The following CRAMP1 variants were observed in gnomAD, a reference collection of about 807,000 sequenced individuals.
The protein encoded by CRAMP1 is protein cramped-like.
A neutral mutation model predicts 115.4 loss-of-function variants in CRAMP1; 50 were observed. The observed-to-expected ratio is 0.43, with a 90% confidence interval of 0.35 to 0.55. The LOEUF is 0.55. Ranked by LOEUF, CRAMP1 falls within the 20% of genes least tolerant of loss-of-function variation. CRAMP1 has a pLI of 0.01. For synonymous variants in CRAMP1, 866 were observed against 745.4 expected, an observed-to-expected ratio of 1.16 and a Z score of -2.64; for missense variants, 1,679 against 1,721.7, an observed-to-expected ratio of 0.98 and a Z score of 0.44.
At chr16:1,663,828 G>A (rs918554571) in intron 13 of CRAMP1, among the ~76,000 whole-genome samples, 10 of 151,976 alleles carry the variant, frequency 6.6e-5, no homozygotes, top group Non-Finnish European at 1.5e-4. Context: ...TACAATTTGT[G>A]TTCTTTTCCA....
intron 3 of CRAMP1, among the ~76,000 whole-genome samples, chr16:1,631,172 G>A (rs1435159851): frequency 1.3e-5 from 2 of 152,200 alleles, no homozygotes; most frequent in Admixed American, 6.5e-5. Flanking sequence ...TGGAAGTCCT[G>A]TGCCAAGAAG....
At chr16:1,655,784 G>C (rs2036766037) in intron 9 of CRAMP1, 93 bp from the exon 10 acceptor site, 1 of 1,400,678 alleles carries the variant, frequency 7.1e-7, no homozygotes, top group South Asian at 1.3e-5. Flanking sequence ...GGGGATGCCA[G>C]TGGGGAGCGT....
intron 2 of CRAMP1, among the ~76,000 whole-genome samples, chr16:1,615,786 T>G (rs1181044072): frequency 6.6e-6 from 1 of 152,244 alleles, no homozygotes; most frequent in Non-Finnish European, 1.5e-5. Flanking sequence ...ACTCTGATTC[T>G]TTTTGTTTCC....
intron 6 of CRAMP1, among the ~76,000 whole-genome samples, chr16:1,641,427 G>T (rs1181434235): frequency 6.6e-6 from 1 of 152,178 alleles, no homozygotes; most frequent in African/African-American, 2.4e-5. Flanking sequence ...CTTCCCGAGG[G>T]TCTCTGGCTG....
intron 19 of CRAMP1, 74 bp from the exon 20 acceptor site, chr16:1,670,590 C>G (rs1392129975): frequency 1.9e-6 from 3 of 1,547,934 alleles, no homozygotes; most frequent in East Asian, 4.5e-5. Context: ...TGCCCCCAGC[C>G]TCAGGACCCT....
At chr16:1,661,591 G>T (rs1422107356) in intron 11 of CRAMP1, among the ~76,000 whole-genome samples, 7 of 147,610 alleles carry the variant, frequency 4.7e-5, no homozygotes, top group Admixed American at 2.7e-4. Context: ...TACTATGAAA[G>T]AATTTTTTTT....
chr16:1,637,968 T>G (rs1436186798), intron 5 of CRAMP1, 61 bp downstream of exon 5: 1 of 805,012 alleles, frequency 1.2e-6, no homozygotes, highest in African/African-American at 1.8e-5. Flanking sequence ...CCTTTGGGCT[T>G]TAGTGCTCAG....
intron 3 of CRAMP1, 61 bp downstream of exon 3, chr16:1,626,227 C>G: frequency 7.3e-7 from 1 of 1,373,550 alleles, no homozygotes; most frequent in Non-Finnish European, 9.7e-7. Flanking sequence ...TCCCTGCCCT[C>G]CGTTCCCCGT....
intron 10 of CRAMP1, among the ~76,000 whole-genome samples, chr16:1,659,043 G>A (rs2036801007): frequency 1.3e-5 from 2 of 152,104 alleles, no homozygotes; most frequent in African/African-American, 4.8e-5. Context: ...CATCCCCTGG[G>A]GTTGGGCTCT....
Position 1,670,781 on chromosome 16 carries a change from T to C in CRAMP1, c.3617T>C (p.Val1206Ala), listed in dbSNP as rs760822927. 4.3e-6 allele frequency: 7 copies of C among 1,614,014 alleles called. No individual in the cohort carries two copies. The highest frequency in any genetic ancestry group is 5.9e-6 in the Non-Finnish European group (7 of 1,179,882). ...GATGGAAACTCGCGGGACTCATTTG[T>C]GTCCAGGTCCCTGGCTGACGTTGCA... is the stretch of plus-strand genomic sequence containing the variant. ...LLDGNSRDSF[V>A]SRSLADVAEV... Residue 1206 changes from valine (V) to alanine (A), a missense_variant, in exon 20 of 21, where the codon GTG (valine) becomes GCG (alanine). By Grantham distance (64) the Val-to-Ala change is moderately conservative. Coordinates refer to ENST00000397412, the MANE Select transcript of CRAMP1 (RefSeq NM_020825.4).
At chr16:1,668,617 G>A (rs1321836007) in intron 18 of CRAMP1, among the ~76,000 whole-genome samples, 1 of 152,232 alleles carries the variant, frequency 6.6e-6, no homozygotes, top group East Asian at 1.9e-4. Context: ...TCACTGGCGC[G>A]ACCCAGGCTG....
At chr16:1,620,925 A>AT (rs34597800) in intron 2 of CRAMP1, among the ~76,000 whole-genome samples, 45 of 146,722 alleles carry the variant, frequency 3.1e-4, no homozygotes, top group Non-Finnish European at 4.1e-4. Flanking sequence ...CCCCCATTTC[A>AT]TTTTTTTTTT....
chr16:1,628,759 C>T (rs2036526074), intron 3 of CRAMP1, among the ~76,000 whole-genome samples: 1 of 152,218 alleles, frequency 6.6e-6, no homozygotes, highest in African/African-American at 2.4e-5. Flanking sequence ...TGATGCCTCC[C>T]TGGGAGGGGT....
chr16:1,651,078 T>TGGACTGAGAGGTCACAGAGAGGA (rs1174466521), intron 6 of CRAMP1, among the ~76,000 whole-genome samples: 4 of 151,032 alleles, frequency 2.6e-5, no homozygotes, highest in Non-Finnish European at 3.0e-5. Context: ...CACGGAGAAG[T>TGGACTGAGAGGTCACAGAGAGGA]GGACTGAGAG....
In CRAMP1 at chr16:1,675,678, G is replaced by A. The variant is rs1026585139; in HGVS notation, c.*1633G>A. 3.9e-5 allele frequency: 6 copies of A among 152,274 alleles called. No homozygotes were observed. Among genetic ancestry groups the A allele is most frequent in the African/African-American group, 1.4e-4 (6 of 41,464 alleles). 9.4% of individuals were successfully genotyped at this position (152,274 alleles called of 1,614,324 possible). ...GTGTACTGCACCACTGGGAGGACGT[G>A]GAGAGGACAGTGAACTTCCAGGCAA... is the stretch of plus-strand genomic sequence containing the variant. On this transcript the variant is annotated 3_prime_UTR_variant, in exon 21 of 21. Transcript: ENST00000397412.
chr16:1,654,672 G>A (rs1315956041), intron 8 of CRAMP1, among the ~76,000 whole-genome samples: 5 of 152,048 alleles, frequency 3.3e-5, no homozygotes, highest in Non-Finnish European at 4.4e-5. Context: ...ACCCTCCCAC[G>A]GCCGCCGGCA....
chr16:1,637,815 G>C lies in CRAMP1; in HGVS notation c.695-9G>C, dbSNP rs1460774945. 6.7e-7 allele frequency: 1 copy of C among 1,483,236 alleles called. No individual in the cohort carries two copies. The highest frequency in any genetic ancestry group is 2.4e-5 in the Admixed American group (1 of 41,912). 91.9% of individuals were successfully genotyped at this position (1,483,236 alleles called of 1,614,324 possible). The stretch of plus-strand genomic sequence containing the variant: ...CCTCTCTAAAGCCGCCTTCTCTTCT[G>C]TTTCTCAGTGTTCTCTCGAGGCCTG... On this transcript the variant is annotated splice_polypyrimidine_tract_variant and intron_variant, in intron 4 of 20. Transcript: ENST00000397412.
intron 16 of CRAMP1, 58 bp from the exon 17 acceptor site, chr16:1,667,277 G>A (rs1028966786): frequency 7.1e-7 from 1 of 1,400,114 alleles, no homozygotes; most frequent in Non-Finnish European, 1.0e-6. Flanking sequence ...TCGCGGGTGA[G>A]GGTATGGGTG....
rs1596496719 is a variant in CRAMP1, at chr16:1,662,599, C to T, written c.2523C>T (p.Ser841=). 6.2e-7 allele frequency: 1 copy of T among 1,614,010 alleles called. No homozygotes were observed. Among genetic ancestry groups the T allele is most frequent in the East Asian group, 2.2e-5 (1 of 44,880 alleles). ...TCCCGACAACCTTGCCACCCAACAG[C>T]CGACACGGGAAGCTCTTCTCTCCCA... The part of the protein sequence containing the change: ...FAVPTTLPPN[S]RHGKLFSPSK... The change falls in exon 12 of 21, where the codon AGC becomes AGT. Residue 841 remains serine, a synonymous_variant. Coordinates refer to ENST00000397412, the MANE Select transcript of CRAMP1 (RefSeq NM_020825.4).
Sources: allele counts gnomAD v4.1 joint callset (sites outside exome capture counted in the v4.1 genomes callset), GRCh38; gene constraint gnomAD v4.1.1; transcripts MANE v1.5; gene names NCBI Gene and HGNC (gene_info 2026-07-23, HGNC 2026-07-21).